CAPSL: variants seen among roughly 807,000 people sequenced by gnomAD.
CAPSL encodes calcyphosine like.
A neutral mutation model predicts 21.3 loss-of-function variants in CAPSL; 17 were observed. The ratio of observed to expected loss-of-function variants is 0.80; its 90% CI spans 0.55 to 1.20. The LOEUF is 1.20. Ranked by LOEUF, CAPSL falls within the 50% of genes most tolerant of loss-of-function variation. CAPSL has a pLI of 0.00. For synonymous variants in CAPSL, 102 were observed against 89.3 expected (o/e 1.14, Z -0.80); for missense variants, 289 against 259.3 (o/e 1.11, Z -0.79).
At chr5:35,930,806 T>C (rs1738801179) in intron 1 of CAPSL, among the ~76,000 whole-genome samples, 1 of 152,246 alleles carries the variant, frequency 6.6e-6, no homozygotes, top group Non-Finnish European at 1.5e-5. Flanking sequence ...ATTTCCCTTT[T>C]TCTCTGCCCT....
In CAPSL at chr5:35,905,354, A is replaced by C. The variant is rs116697479; in HGVS notation, c.526-708T>G. 2.7e-3 allele frequency among the ~76,000 whole-genome samples: 417 copies of C among 152,108 alleles called. 5 individuals carry two copies. Among genetic ancestry groups the C allele is most frequent in the African/African-American group, 9.9e-3 (409 of 41,470 alleles). On this transcript the variant is annotated intron_variant, in intron 4 of 4. Coordinates refer to ENST00000651391, the MANE Select transcript of CAPSL (RefSeq NM_001042625.2). The stretch of plus-strand genomic sequence containing the variant: ...TTTAACAGGTCTAGATAATATGTAC[A>C]CTCTAATTTAATCATGTTGGTTGAC...
chr5:35,907,540 T>C (rs576381603), intron 4 of CAPSL, among the ~76,000 whole-genome samples: 2 of 152,346 alleles, frequency 1.3e-5, no homozygotes, highest in African/African-American at 4.8e-5. Context: ...ACAGGTTATC[T>C]GATTGCTTCA....
rs1220745324 is a variant in CAPSL, at chr5:35,905,579, A to G, written c.526-933T>C. 3.9e-5 allele frequency among the ~76,000 whole-genome samples: 6 copies of G among 152,348 alleles called. No homozygotes were observed. The South Asian group carries it at 1.2e-3, about 32-fold the overall frequency. On this transcript the variant is annotated intron_variant, in intron 4 of 4. Coordinates refer to ENST00000651391, the MANE Select transcript of CAPSL (RefSeq NM_001042625.2). ...TGAACTCAGCTCATAGTTGAACTGT[A>G]AATACACATCTACAATACATGCATA...
In CAPSL at chr5:35,910,527, C is replaced by A. The variant is rs748659530; in HGVS notation, c.154G>T (p.Asp52Tyr). The A allele has an allele frequency of 6.2e-7, 1 of 1,605,820 alleles. No individual in the cohort carries two copies. Residue 52 changes from aspartate (D) to tyrosine (Y), a missense_variant, in exon 3 of 5, where the codon GAT (aspartate) becomes TAT (tyrosine). Coordinates refer to ENST00000651391, the MANE Select transcript of CAPSL (RefSeq NM_001042625.2). The part of the protein sequence containing the change: ...KGLGRVFRIM[D>Y]DDNNRTLDFK... Reference sequence around the variant, plus strand: ...TCAAGGGTTCGATTATTATCGTCATCCATAATTCTAAACACTCTGAAGAAA... The same window carrying A: ...TCAAGGGTTCGATTATTATCGTCATACATAATTCTAAACACTCTGAAGAAA...
intron 1 of CAPSL, among the ~76,000 whole-genome samples, chr5:35,923,591 G>A (rs1293085087): frequency 1.3e-5 from 2 of 152,222 alleles, no homozygotes; most frequent in African/African-American, 2.4e-5. Flanking sequence ...AGTACTGATA[G>A]ATACCACAAT....
chr5:35,932,399 C>T (rs1738845586), intron 1 of CAPSL, among the ~76,000 whole-genome samples: 1 of 152,102 alleles, frequency 6.6e-6, no homozygotes, highest in Non-Finnish European at 1.5e-5. Flanking sequence ...CAGCTATTAT[C>T]TCCACACTCC....
At chr5:35,925,126 T>G (rs945982924) in intron 1 of CAPSL, among the ~76,000 whole-genome samples, 2 of 152,246 alleles carry the variant, frequency 1.3e-5, no homozygotes, top group African/African-American at 4.8e-5. Flanking sequence ...CGGCCAGGCA[T>G]GCGGTTCAGT....
chr5:35,910,086 A>T lies in CAPSL; in HGVS notation c.316-11T>A, dbSNP rs1738174496. On this transcript the variant is annotated splice_polypyrimidine_tract_variant and intron_variant, in intron 3 of 4. Coordinates refer to ENST00000651391, the MANE Select transcript of CAPSL (RefSeq NM_001042625.2). The stretch of plus-strand genomic sequence containing the variant: ...TCTGGACATTGGAGGCTACAAAAAT[A>T]GAAGAATACATACAGAGACATACAT... 4.4e-6 allele frequency: 7 copies of T among 1,589,374 alleles called. No homozygotes were observed. The highest frequency in any genetic ancestry group is 5.1e-6 in the Non-Finnish European group (6 of 1,169,428).
chr5:35,921,114 C>T lies in CAPSL; in HGVS notation c.7G>A (p.Gly3Arg). 6.2e-7 allele frequency: 1 copy of T among 1,613,830 alleles called. No homozygotes were observed. The highest frequency in any genetic ancestry group is 8.5e-7 in the Non-Finnish European group (1 of 1,179,958). MAGTARHDREMAI... is the reference protein window; with the variant it reads MARTARHDREMAI... ...ATCTCTCGGTCATGGCGCGCTGTCC[C>T]TGCCATCTGAGGGGAAGCCATAGCA... Residue 3 changes from glycine (G) to arginine (R), a missense_variant, in exon 2 of 5, where the codon GGG becomes AGG. Transcript: ENST00000651391.
At chr5:35,933,130 T>G (rs2149934180) in intron 1 of CAPSL, among the ~76,000 whole-genome samples, 1 of 152,324 alleles carries the variant, frequency 6.6e-6, no homozygotes, top group South Asian at 2.1e-4. Context: ...TGGCCTTATA[T>G]AGAAACACTT....
chr5:35,923,598 C>T (rs766305930), intron 1 of CAPSL, among the ~76,000 whole-genome samples: 1 of 152,192 alleles, frequency 6.6e-6, no homozygotes, highest in African/African-American at 2.4e-5. Flanking sequence ...ATAGATACCA[C>T]AATGTGGACA....
rs1307770325 is a variant in CAPSL at position 35,935,313 on chromosome 5, T to TCTCCTCTGAAA, written c.-1+3217_-1+3227dup. Among the ~76,000 whole-genome samples, 4 of 151,094 alleles carry TCTCCTCTGAAA rather than the reference T, an allele frequency of 2.6e-5. No homozygotes were observed. In the East Asian group the frequency reaches 7.7e-4, roughly 29 times the overall value. On this transcript the variant is annotated intron_variant, in intron 1 of 4. Transcript: ENST00000651391. ...GGCATTCCCTCCCAACCAAATCTGG[T>TCTCCTCTGAAA]CTCCTCTGAAAGTCCAAACTTCTTT...
At chr5:35,937,260 T>C (rs1307777906) in intron 1 of CAPSL, among the ~76,000 whole-genome samples, 3 of 152,220 alleles carry the variant, frequency 2.0e-5, no homozygotes, top group Non-Finnish European at 4.4e-5. Context: ...CATGATATAG[T>C]TTAAGACCCT....
At chr5:35,908,819 C>T (rs900397967) in intron 4 of CAPSL, among the ~76,000 whole-genome samples, 1 of 152,176 alleles carries the variant, frequency 6.6e-6, no homozygotes, top group Non-Finnish European at 1.5e-5. Context: ...GGTCACCTTC[C>T]TATCCCCCAC....
rs187877022 is a variant in CAPSL at position 35,921,022 on chromosome 5, G to A, written c.99C>T (p.Cys33=). Residue 33 remains cysteine (C), a synonymous_variant, in exon 2 of 5, where the codon TGC becomes TGT. Coordinates refer to ENST00000651391, the MANE Select transcript of CAPSL (RefSeq NM_001042625.2). ...TGATCCCAGCAGAGCCCCTGGCCAG[G>A]CACTGCAGTCGGAGTCTTTCAATGG... is the stretch of plus-strand genomic sequence containing the variant. ...TDPIERLRLQ[C]LARGSAGIKG... The A allele has an allele frequency of 2.7e-5, 43 of 1,614,124 alleles. No homozygotes were observed. The East Asian group carries it at 8.5e-4, about 32-fold the overall frequency.
chr5:35,929,735 C>T lies in CAPSL; in HGVS notation c.1-8615G>A, dbSNP rs143397821. On this transcript the variant is annotated intron_variant, in intron 1 of 4. Transcript: ENST00000651391. ...TCAGGGAAAAGAATGCTTTGGAGTGCTGCTAGATTTCATACCAGCAGAGAG... is the reference window on the plus strand; with the variant it reads ...TCAGGGAAAAGAATGCTTTGGAGTGTTGCTAGATTTCATACCAGCAGAGAG... Among the ~76,000 whole-genome samples, 4 of 152,294 alleles carry T rather than the reference C, an allele frequency of 2.6e-5. No homozygotes were observed. The East Asian group carries it at 5.8e-4, about 22-fold the overall frequency.
chr5:35,932,956 A>G (rs1287799315), intron 1 of CAPSL, among the ~76,000 whole-genome samples: 1 of 152,186 alleles, frequency 6.6e-6, no homozygotes, highest in African/African-American at 2.4e-5. Flanking sequence ...CACCAAATGG[A>G]CCAAATTTGG....
At position 35,928,231 on chromosome 5, in the gene CAPSL, C is replaced by T. The variant is rs115733386; in HGVS notation, c.1-7111G>A. Among the ~76,000 whole-genome samples the T allele has an allele frequency of 2.8e-3, 431 of 152,268 alleles. 4 individuals carry two copies. The highest frequency in any genetic ancestry group is 0.01 in the African/African-American group (422 of 41,548). On this transcript the variant is annotated intron_variant, in intron 1 of 4. Transcript: ENST00000651391. ...TAATTTCATTCAGGAGGGATGAGTC[C>T]TTGTGACCTAACCAACTCCTGAAGA...
chr5:35,920,439 C>T (rs1256687908), intron 2 of CAPSL, among the ~76,000 whole-genome samples: 1 of 152,168 alleles, frequency 6.6e-6, no homozygotes, highest in African/African-American at 2.4e-5. Flanking sequence ...CTTTTGGTTT[C>T]TCAGTCCTTA....
Sources: allele counts gnomAD v4.1 joint callset (sites outside exome capture counted in the v4.1 genomes callset), GRCh38; gene constraint gnomAD v4.1.1; transcripts MANE v1.5; gene names NCBI Gene and HGNC (gene_info 2026-07-23, HGNC 2026-07-21).